The following SERINC5 variants were observed in gnomAD, a reference collection of about 807,000 sequenced individuals.
The protein encoded by SERINC5 is serine incorporator 5, also known as chromosome 5 open reading frame 12.
Under a neutral mutation model 63.1 loss-of-function variants are expected in SERINC5, and 41 were observed. That is an observed-to-expected ratio of 0.65 (90% CI 0.51 to 0.84). The LOEUF is 0.84. Ranked by LOEUF, SERINC5 falls within the 40% of genes least tolerant of loss-of-function variation. The pLI is 0.00. For missense variants in SERINC5, 523 were observed against 573.0 expected, an observed-to-expected ratio of 0.91 and a Z score of 0.89; for synonymous variants, 222 against 215.2, an observed-to-expected ratio of 1.03 and a Z score of -0.28.
chr5:80,150,816 C>A (rs371729321), intron 9 of SERINC5, 66 bp downstream of exon 9: 13 of 1,121,230 alleles, frequency 1.2e-5, no homozygotes, highest in Middle Eastern at 1.9e-4. Flanking sequence ...GACACAAACA[C>A]AAAAGGCCCT....
In SERINC5 at chr5:80,161,351, C is replaced by T. The variant is rs1746909509; in HGVS notation, c.860-2389G>A. 3.3e-5 allele frequency among the ~76,000 whole-genome samples: 5 copies of T among 151,786 alleles called. No homozygotes were observed. In the South Asian group the frequency reaches 8.3e-4, roughly 25 times the overall value. On this transcript the variant is annotated intron_variant, in intron 7 of 11. Coordinates refer to ENST00000507668, the MANE Select transcript of SERINC5 (RefSeq NM_001174072.3). ...TGTTTCCGTTTCTCCACATCCTTAC[C>T]AACATCTGTTACTTTTTGTCTTTTT...
chr5:80,147,777 A>G (rs920787207), intron 9 of SERINC5, among the ~76,000 whole-genome samples: 9 of 152,190 alleles, frequency 5.9e-5, no homozygotes, highest in African/African-American at 2.2e-4. Context: ...GTGAAACCCA[A>G]TGAACGTGAC....
At chr5:80,198,469 G>T in intron 2 of SERINC5, 2 of 941,790 alleles carry the variant, frequency 2.1e-6, no homozygotes, top group Non-Finnish European at 2.5e-6. Context: ...ACTGACAAGG[G>T]AGCTGCCCTT....
intron 11 of SERINC5, among the ~76,000 whole-genome samples, chr5:80,144,599 G>A (rs1745702088): frequency 6.6e-6 from 1 of 152,078 alleles, no homozygotes; most frequent in Non-Finnish European, 1.5e-5. Context: ...GCATCACTGG[G>A]AAGCATTAAA....
intron 11 of SERINC5, among the ~76,000 whole-genome samples, chr5:80,117,309 T>C (rs1439286578): frequency 6.6e-6 from 1 of 152,084 alleles, no homozygotes; most frequent in Non-Finnish European, 1.5e-5. Context: ...AGTTTCCTCA[T>C]TTGTAAAATA....
At chr5:80,192,129 A>C (rs780725636) in intron 2 of SERINC5, among the ~76,000 whole-genome samples, 5 of 152,246 alleles carry the variant, frequency 3.3e-5, no homozygotes, top group Non-Finnish European at 7.3e-5. Context: ...CAGGGCCTCC[A>C]GTGTGTACTA....
At position 80,139,619 on chromosome 5, in the gene SERINC5, A is replaced by C. The variant is rs1745384310; in HGVS notation, c.*4044T>G. The C allele has an allele frequency of 1.6e-5, 16 of 979,296 alleles. No individual in the cohort carries two copies. The highest frequency in any genetic ancestry group is 1.9e-5 in the Non-Finnish European group (16 of 824,888). The allele number at this position is 979,296 out of a possible 1,614,324, so 60.7% of individuals were successfully genotyped here. Reference sequence around the variant, plus strand: ...AAAAGAGAGAGAGAGAGAAAGGTCTAAACATCTGTGTGAACAGCTCTCCAG... The same window carrying C: ...AAAAGAGAGAGAGAGAGAAAGGTCTCAACATCTGTGTGAACAGCTCTCCAG... On this transcript the variant is annotated 3_prime_UTR_variant, in exon 12 of 12. Transcript: ENST00000507668.
At chr5:80,123,617 C>A (rs868769823) in intron 11 of SERINC5, among the ~76,000 whole-genome samples, 4 of 152,178 alleles carry the variant, frequency 2.6e-5, no homozygotes, top group Non-Finnish European at 4.4e-5. Flanking sequence ...CAGAGATGAT[C>A]CAGCTCCCCA....
At chr5:80,188,081 G>C (rs1422928574) in intron 2 of SERINC5, among the ~76,000 whole-genome samples, 1 of 151,940 alleles carries the variant, frequency 6.6e-6, no homozygotes. Flanking sequence ...TCAGGAGTTC[G>C]AGACCAGCCT....
intron 11 of SERINC5, among the ~76,000 whole-genome samples, chr5:80,122,212 T>TATATATATATATATAAAA (rs777568982): frequency 2.8e-5 from 4 of 142,598 alleles, no homozygotes; most frequent in Non-Finnish European, 3.0e-5. Context: ...TATATATATA[T>TATATATATATATATAAAA]AATATGAGTT....
At chr5:80,188,979 G>C (rs759321993) in intron 2 of SERINC5, among the ~76,000 whole-genome samples, 1 of 152,110 alleles carries the variant, frequency 6.6e-6, no homozygotes, top group Non-Finnish European at 1.5e-5. Context: ...CTCTAATTTA[G>C]TTTGTTATCC....
intron 10 of SERINC5, among the ~76,000 whole-genome samples, chr5:80,146,475 G>A (rs1163162804): frequency 6.6e-6 from 1 of 152,096 alleles, no homozygotes; most frequent in Non-Finnish European, 1.5e-5. Flanking sequence ...TTTTTGAGAT[G>A]GAGTTTCACT....
At chr5:80,255,245 T>C (rs1752600341) in intron 1 of SERINC5, 1 of 152,432 alleles carries the variant, frequency 6.6e-6, no homozygotes. Context: ...ACAAGTTTAT[T>C]TGCAAAGAGA....
At chr5:80,215,469 A>C (rs1750620384) in intron 1 of SERINC5, among the ~76,000 whole-genome samples, 1 of 152,232 alleles carries the variant, frequency 6.6e-6, no homozygotes, top group Admixed American at 6.5e-5. Context: ...ATAGTAATGC[A>C]AGAACAGATT....
intron 1 of SERINC5, among the ~76,000 whole-genome samples, chr5:80,229,341 A>AT (rs59664490): frequency 0.15 from 18,411 of 120,130 alleles, 1,715 homozygotes; most frequent in East Asian, 0.36. Context: ...TACTTACACA[A>AT]TTTTTTTTTT....
intron 10 of SERINC5, among the ~76,000 whole-genome samples, chr5:80,146,455 A>T (rs1355020478): frequency 6.6e-6 from 1 of 151,886 alleles, no homozygotes; most frequent in Non-Finnish European, 1.5e-5. Flanking sequence ...ATTTATTTTT[A>T]TTTATTTATT....
intron 8 of SERINC5, among the ~76,000 whole-genome samples, chr5:80,153,808 CAAA>C (rs1349445320): frequency 1.1e-5 from 1 of 91,302 alleles, no homozygotes; most frequent in Non-Finnish European, 2.3e-5. Flanking sequence ...TGGTGACAGC[CAAA>C]AAAAAAAAAA....
chr5:80,216,820 G>A (rs550368071), intron 1 of SERINC5, among the ~76,000 whole-genome samples: 1 of 152,042 alleles, frequency 6.6e-6, no homozygotes, highest in African/African-American at 2.4e-5. Flanking sequence ...AGACCAGCCT[G>A]GGTAACATAG....
In SERINC5 at chr5:80,245,871, C is replaced by T. The variant is rs557355921; in HGVS notation, c.27+10025G>A. Among the ~76,000 whole-genome samples the T allele has an allele frequency of 5.2e-3, 784 of 151,174 alleles. 6 individuals are homozygous for T. The highest frequency in any genetic ancestry group is 0.02 in the Middle Eastern group (6 of 294). On this transcript the variant is annotated intron_variant, in intron 1 of 11. Transcript: ENST00000507668. ...CTCAGGTGATCCACCCGCCTCAGCC[C>T]CAAAAAATGCTGGGATTACAGGTGT... is the stretch of plus-strand genomic sequence containing the variant.
Sources: gnomAD v4.1 joint callset for allele counts (sites outside exome capture counted in the v4.1 genomes callset) on GRCh38, gnomAD v4.1.1 for gene constraint, MANE v1.5 for transcripts, NCBI Gene and HGNC (gene_info 2026-07-23, HGNC 2026-07-21) for gene names.